ASIC2: variants seen among roughly 807,000 people sequenced by gnomAD.
ASIC2 encodes acid-sensing ion channel 2.
ASIC2 carries 25 observed loss-of-function variants against 57.3 expected under a neutral mutation model. The ratio of observed to expected loss-of-function variants is 0.44; its 90% CI spans 0.32 to 0.61. The LOEUF (loss-of-function observed/expected upper bound fraction) is 0.61, where lower values mean the gene tolerates loss of function less well. ASIC2 is among the 20% of genes least tolerant of loss of function. The pLI is 0.06. For synonymous variants in ASIC2, 319 were observed against 307.5 expected, an observed-to-expected ratio of 1.04 and a Z score of -0.39; for missense variants, 641 against 738.1, an observed-to-expected ratio of 0.87 and a Z score of 1.52.
chr17:33,213,210 A>G (rs1209225743), intron 1 of ASIC2, among the ~76,000 whole-genome samples: 1 of 152,232 alleles, frequency 6.6e-6, no homozygotes, highest in Non-Finnish European at 1.5e-5. Flanking sequence ...TAATATGGGA[A>G]GATTTCTCTG....
At chr17:33,744,857 TA>T (rs1207765817) in intron 1 of ASIC2, among the ~76,000 whole-genome samples, 2 of 151,900 alleles carry the variant, frequency 1.3e-5, no homozygotes, top group African/African-American at 4.8e-5. Flanking sequence ...GCAGAAATTA[TA>T]AAAAAAGAAA....
Position 33,848,655 on chromosome 17 carries a change from T to A in ASIC2, c.555+307323A>T, listed in dbSNP as rs74547741. Among the ~76,000 whole-genome samples, 17 of 152,282 alleles carry A rather than the reference T, an allele frequency of 1.1e-4. 1 individual carries two copies. In the South Asian group the frequency reaches 3.5e-3, roughly 32 times the overall value. On this transcript the variant is annotated intron_variant, in intron 1 of 9. Coordinates refer to the ASIC2 transcript ENST00000359872. ...CAACGTCAGCACTTCAGGTGCACAG[T>A]AATTCCTAATTCCCTGCTCCCCAAG...
At chr17:33,874,589 A>G (rs1914506171) in intron 1 of ASIC2, among the ~76,000 whole-genome samples, 1 of 152,214 alleles carries the variant, frequency 6.6e-6, no homozygotes, top group South Asian at 2.1e-4. Flanking sequence ...CCCCCAGATC[A>G]GAAAGATGCA....
chr17:33,465,933 T>C (rs898390112), intron 1 of ASIC2, among the ~76,000 whole-genome samples: 1 of 152,166 alleles, frequency 6.6e-6, no homozygotes, highest in Non-Finnish European at 1.5e-5. Context: ...AAGGACCAGC[T>C]TGAGAAAGTT....
intron 1 of ASIC2, chr17:33,794,147 G>T (rs1424735355): frequency 1.3e-5 from 2 of 152,182 alleles, no homozygotes; most frequent in Non-Finnish European, 2.9e-5. Context: ...GCCCCAATTT[G>T]CAGGACAAAA....
At chr17:33,757,399 G>A (rs1910638770) in intron 1 of ASIC2, among the ~76,000 whole-genome samples, 1 of 152,182 alleles carries the variant, frequency 6.6e-6, no homozygotes, top group South Asian at 2.1e-4. Context: ...AGAGGTGGAA[G>A]GATTGCTTGA....
At position 33,939,404 on chromosome 17, in the gene ASIC2, C is replaced by T. The variant is rs76278204; in HGVS notation, c.555+216574G>A. On this transcript the variant is annotated intron_variant, in intron 1 of 9. Coordinates refer to the ASIC2 transcript ENST00000359872. ...TAGGCCTGGTGATTTTTCTTTTATT[C>T]AATCTCTTGTTTTTTAGAAGAGAGC... Among the ~76,000 whole-genome samples the T allele has an allele frequency of 3.5e-3, 529 of 152,294 alleles. 2 individuals carry two copies. The highest frequency in any genetic ancestry group is 0.012 in the African/African-American group (496 of 41,556).
At chr17:33,925,110 C>T (rs1213601496) in intron 1 of ASIC2, among the ~76,000 whole-genome samples, 3 of 152,222 alleles carry the variant, frequency 2.0e-5, no homozygotes, top group Non-Finnish European at 4.4e-5. Context: ...TGCCTCAGGC[C>T]TTTCCAGTGC....
At chr17:33,080,474 C>T (rs979358820) in intron 3 of ASIC2, among the ~76,000 whole-genome samples, 2 of 152,070 alleles carry the variant, frequency 1.3e-5, no homozygotes, top group East Asian at 1.9e-4. Context: ...CACGGGGATA[C>T]GTTCCAAGAC....
At chr17:33,193,094 T>A (rs1906490711) in intron 1 of ASIC2, among the ~76,000 whole-genome samples, 3 of 152,208 alleles carry the variant, frequency 2.0e-5, no homozygotes, top group African/African-American at 7.2e-5. Flanking sequence ...GAAAGTCCTT[T>A]AATGGCACCA....
rs1909441310 is a variant in ASIC2, at chr17:33,380,293, G to GA, written c.556-268227dup. On this transcript the variant is annotated intron_variant, in intron 1 of 9. Coordinates refer to the ASIC2 transcript ENST00000359872. ...AGAAAGAAAGAAAGAAAGAAAAAAA[G>GA]AAAAAGAAAAGAAAAGAAATGGTTA... Among the ~76,000 whole-genome samples the GA allele has an allele frequency of 2.0e-3, 248 of 121,792 alleles. 1 individual carries two copies. Among genetic ancestry groups the GA allele is most frequent in the African/African-American group, 6.3e-3 (229 of 36,476 alleles). 79.9% of individuals were successfully genotyped at this position (121,792 alleles called of 152,430 possible).
intron 1 of ASIC2, among the ~76,000 whole-genome samples, chr17:33,756,158 C>T (rs1000456568): frequency 6.6e-6 from 1 of 152,248 alleles, no homozygotes; most frequent in African/African-American, 2.4e-5. Flanking sequence ...GGATAAGTGG[C>T]ATGGCCTTCA....
chr17:33,674,966 A>C (rs539145235), intron 1 of ASIC2, among the ~76,000 whole-genome samples: 1 of 152,276 alleles, frequency 6.6e-6, no homozygotes, highest in African/African-American at 2.4e-5. Flanking sequence ...TCATCAATGA[A>C]AACTACTTGG....
At chr17:33,145,406 T>C (rs1904520672) in intron 1 of ASIC2, among the ~76,000 whole-genome samples, 1 of 152,226 alleles carries the variant, frequency 6.6e-6, no homozygotes, top group Admixed American at 6.5e-5. Flanking sequence ...ATAATCTCTT[T>C]AGCAACTGCC....
intron 1 of ASIC2, among the ~76,000 whole-genome samples, chr17:33,826,981 T>C (rs995696586): frequency 6.6e-6 from 1 of 152,156 alleles, no homozygotes; most frequent in Non-Finnish European, 1.5e-5. Context: ...GAAGTCTTTA[T>C]GAAGGGGTTG....
intron 1 of ASIC2, among the ~76,000 whole-genome samples, chr17:33,251,528 A>G (rs1908881838): frequency 6.6e-6 from 1 of 152,058 alleles, no homozygotes; most frequent in African/African-American, 2.4e-5. Context: ...GGGTCTTGCT[A>G]TGTGGACTAG....
intron 1 of ASIC2, among the ~76,000 whole-genome samples, chr17:33,469,714 G>A (rs1367326127): frequency 1.3e-5 from 2 of 152,114 alleles, no homozygotes; most frequent in African/African-American, 2.4e-5. Context: ...TTCCCTTCAG[G>A]GTTAGCTGAG....
At chr17:33,056,623 A>G (rs1452176771) in intron 3 of ASIC2, among the ~76,000 whole-genome samples, 1 of 152,184 alleles carries the variant, frequency 6.6e-6, no homozygotes, top group African/African-American at 2.4e-5. Context: ...GACGCTCTAT[A>G]AAGTTTACTG....
intron 1 of ASIC2, among the ~76,000 whole-genome samples, chr17:33,450,770 A>T (rs1349596504): frequency 1.3e-5 from 2 of 152,102 alleles, no homozygotes; most frequent in Admixed American, 6.5e-5. Flanking sequence ...TTGTGTCTAG[A>T]TGTGGAAATA....
Sources: gnomAD v4.1 joint callset for allele counts (sites outside exome capture counted in the v4.1 genomes callset) on GRCh38, gnomAD v4.1.1 for gene constraint, MANE v1.5 for transcripts, NCBI Gene and HGNC (gene_info 2026-07-23, HGNC 2026-07-21) for gene names.